ABCG5: variants seen among roughly 807,000 people sequenced by gnomAD.
ABCG5 encodes ATP-binding cassette sub-family G member 5.
Under a neutral mutation model 64.5 loss-of-function variants are expected in ABCG5, and 64 were observed. That is an observed-to-expected ratio of 0.99 (90% confidence interval 0.81 to 1.22). The LOEUF is 1.22. Among genes scored for constraint, ABCG5 ranks in the 50% most tolerant of loss-of-function variants. The pLI is 0.00. For missense variants in ABCG5, 908 were observed against 829.5 expected, an observed-to-expected ratio of 1.09 and a Z score of -1.16; for synonymous variants, 385 against 326.3, an observed-to-expected ratio of 1.18 and a Z score of -1.94.
At chr2:43,822,465 TCCCCTC>T in intron 10 of ABCG5, 2 of 842,958 alleles carry the variant, frequency 2.4e-6, no homozygotes, top group Non-Finnish European at 1.4e-6. Context: ...GGCTGCTTTC[TCCCCTC>T]CCCCAGGCCC....
At chr2:43,835,284 C>G (rs936972436) in intron 2 of ABCG5, among the ~76,000 whole-genome samples, 1 of 116,392 alleles carries the variant, frequency 8.6e-6, no homozygotes, top group South Asian at 3.0e-4. Flanking sequence ...TTGGGGTGCA[C>G]TTCTGAGATG....
chr2:43,838,365 G>A lies in ABCG5; in HGVS notation c.143+172C>T, dbSNP rs962338029. ...GCAGGGGGAGGGGCCATTCACTGTC[G>A]CTCCATGTTTCCCAGCACAGCCCTT... On this transcript the variant is annotated intron_variant, in intron 1 of 12. Coordinates refer to ENST00000405322, the MANE Select transcript of ABCG5 (RefSeq NM_022436.3). This position sits in a 1 kb window ranked among gnomAD's most constrained non-coding sequence, Gnocchi z 4.2. The A allele has an allele frequency of 2.5e-5, 17 of 677,628 alleles. No homozygotes were observed. The highest frequency in any genetic ancestry group is 1.3e-4 in the African/African-American group (7 of 55,280). 42.0% of individuals were successfully genotyped at this position (677,628 alleles called of 1,614,324 possible).
At chr2:43,821,531 C>G (rs11897993) in intron 10 of ABCG5, among the ~76,000 whole-genome samples, 4,483 of 152,270 alleles carry the variant, frequency 0.029, 157 homozygotes, top group African/African-American at 0.083. Context: ...GCCCTCACTG[C>G]CGCAGATGCT....
At chr2:43,822,471 C>T (rs1667277230) in intron 10 of ABCG5, 1 of 552,758 alleles carries the variant, frequency 1.8e-6, no homozygotes, top group Non-Finnish European at 2.2e-6. Flanking sequence ...TTTCTCCCCT[C>T]CCCCAGGCCC....
Position 43,820,011 on chromosome 2 carries a change from A to C in ABCG5, c.1553T>G (p.Leu518Arg). Reference sequence around the variant, plus strand: ...ATTTTGGACGATACCAAGTAGCACAAGAGTTAGAAATTCACCAATTAAGTG... The same window carrying C: ...ATTTTGGACGATACCAAGTAGCACACGAGTTAGAAATTCACCAATTAAGTG... ...APHLIGEFLT[L>R]VLLGIVQNPN... Residue 518 changes from leucine to arginine, a missense_variant, in exon 11 of 13, where the codon CTT (leucine) becomes CGT (arginine). Physicochemically the swap from Leu to Arg is moderately radical, Grantham distance 102. Transcript: ENST00000405322. 6.2e-7 allele frequency: 1 copy of C among 1,614,240 alleles called. No individual in the cohort carries two copies. The highest frequency in any genetic ancestry group is 8.5e-7 in the Non-Finnish European group (1 of 1,180,038).
intron 11 of ABCG5, 100 bp downstream of exon 11, chr2:43,819,815 C>T (rs962586068): frequency 6.5e-5 from 84 of 1,290,678 alleles, no homozygotes; most frequent in South Asian, 5.5e-4. Context: ...ATATCCATAA[C>T]CACTATCAGT....
chr2:43,829,857 G>A (rs1246141810), intron 4 of ABCG5, among the ~76,000 whole-genome samples: 2 of 152,192 alleles, frequency 1.3e-5, no homozygotes, highest in Non-Finnish European at 2.9e-5. Flanking sequence ...CAGGGAGTGG[G>A]GTTGACGGCA....
intron 2 of ABCG5, among the ~76,000 whole-genome samples, chr2:43,837,195 C>A (rs984770545): frequency 2.0e-5 from 3 of 149,818 alleles, no homozygotes; most frequent in African/African-American, 7.4e-5. Context: ...TCTCAGCTCA[C>A]TGAAGTCTTA....
intron 11 of ABCG5, among the ~76,000 whole-genome samples, chr2:43,817,065 G>A (rs1247855447): frequency 2.0e-5 from 3 of 152,232 alleles, no homozygotes; most frequent in South Asian, 2.1e-4. Flanking sequence ...GCAGGTTGAT[G>A]TGGCCTTTAA....
At chr2:43,822,485 C>CCA (rs1553369674) in intron 10 of ABCG5, 8 of 925,856 alleles carry the variant, frequency 8.6e-6, no homozygotes, top group Non-Finnish European at 2.6e-6. Context: ...CAGGCCCCCC[C>CCA]CCATGCACCT....
downstream of ABCG5, chr2:43,812,405 G>C (rs1276129712): frequency 1.3e-5 from 2 of 148,988 alleles, no homozygotes; most frequent in African/African-American, 2.5e-5. Context: ...AGTAAACTCA[G>C]CTGAAAGTGA....
chr2:43,808,596 T>A (rs745957459), downstream of ABCG5, among the ~76,000 whole-genome samples: 1 of 152,186 alleles, frequency 6.6e-6, no homozygotes, highest in Admixed American at 6.5e-5. Context: ...TTGTGCAGGA[T>A]AGCCACCTCC....
intron 4 of ABCG5, among the ~76,000 whole-genome samples, chr2:43,829,407 C>T (rs900399308): frequency 1.3e-5 from 2 of 152,122 alleles, no homozygotes; most frequent in African/African-American, 4.8e-5. Flanking sequence ...AATTTATAAC[C>T]CCCAGCCACA....
chr2:43,831,572 T>A (rs1251117464), intron 4 of ABCG5, among the ~76,000 whole-genome samples, 197 bp downstream of exon 4: 1 of 152,220 alleles, frequency 6.6e-6, no homozygotes, highest in Non-Finnish European at 1.5e-5. Context: ...CAGTCTGGAC[T>A]AGTGACATTT....
intron 11 of ABCG5, among the ~76,000 whole-genome samples, chr2:43,819,624 T>C (rs1667058674): frequency 6.6e-6 from 1 of 152,192 alleles, no homozygotes; most frequent in South Asian, 2.1e-4. Flanking sequence ...GAGTTTTTCC[T>C]GGAACATCCG....
intron 4 of ABCG5, among the ~76,000 whole-genome samples, chr2:43,829,887 C>T (rs78621278): frequency 0.025 from 3,851 of 152,128 alleles, 162 homozygotes; most frequent in African/African-American, 0.088. Context: ...CTTTGACCCA[C>T]CCAAAGAATG....
intron 11 of ABCG5, 71 bp downstream of exon 11, chr2:43,819,843 CT>C: frequency 6.6e-7 from 1 of 1,521,714 alleles, no homozygotes; most frequent in Non-Finnish European, 9.1e-7. Context: ...TATTCCTTTA[CT>C]TCAGTCATTA....
chr2:43,823,071 G>T, intron 9 of ABCG5, 136 bp from the exon 10 acceptor site: 2 of 1,158,128 alleles, frequency 1.7e-6, no homozygotes, highest in Admixed American at 2.0e-5. Flanking sequence ...GTCATAGAAG[G>T]AGGGGACCTG....
At chr2:43,809,514 T>C (rs1450862371), downstream of ABCG5, among the ~76,000 whole-genome samples, 1 of 152,214 alleles carries the variant, frequency 6.6e-6, no homozygotes, top group Non-Finnish European at 1.5e-5. Flanking sequence ...ACACAGAAAC[T>C]CTGAAGACAG....
Sources: allele counts gnomAD v4.1 joint callset (sites outside exome capture counted in the v4.1 genomes callset), GRCh38; gene constraint gnomAD v4.1.1; non-coding constraint Gnocchi (gnomAD v3.1); transcripts MANE v1.5; gene names NCBI Gene and HGNC (gene_info 2026-07-23, HGNC 2026-07-21).